DISC1: variants seen among roughly 807,000 people sequenced by gnomAD.
DISC1 encodes DISC1 scaffold protein.
In DISC1, 57 loss-of-function variants were observed where a neutral mutation model predicts 84.5. The ratio of observed to expected loss-of-function variants is 0.67; its 90% CI spans 0.55 to 0.84. The LOEUF is 0.84. Among genes scored for constraint, DISC1 ranks in the 40% least tolerant of loss-of-function variants. The pLI, the probability that DISC1 is intolerant of heterozygous loss-of-function variation, is 0.00. For missense variants in DISC1, 1,000 were observed against 1,057.8 expected (o/e 0.95, Z 0.76); for synonymous variants, 411 against 415.2 (o/e 0.99, Z 0.12).
chr1:231,641,196 C>T (rs1353384788), intron 1 of DISC1, among the ~76,000 whole-genome samples: 1 of 152,230 alleles, frequency 6.6e-6, no homozygotes, highest in Non-Finnish European at 1.5e-5. Context: ...TTGGTGGGTT[C>T]TTGGTCTCAC....
chr1:231,969,598 C>CTTTT (rs59866510), intron 10 of DISC1, among the ~76,000 whole-genome samples: 2 of 126,334 alleles, frequency 1.6e-5, no homozygotes, highest in African/African-American at 6.3e-5. Context: ...TTCTTTCTTT[C>CTTTT]TTTTTTTTTT....
intron 1 of DISC1, among the ~76,000 whole-genome samples, chr1:231,690,254 C>T (rs1470558280): frequency 2.0e-5 from 3 of 152,154 alleles, no homozygotes; most frequent in Non-Finnish European, 4.4e-5. Flanking sequence ...GGAAGTAAGG[C>T]ATCAGCGCTT....
intron 9 of DISC1, among the ~76,000 whole-genome samples, chr1:231,950,204 C>CTGTGTGTG (rs59801477): frequency 0.074 from 10,345 of 139,406 alleles, 436 homozygotes; most frequent in Non-Finnish European, 0.086. Context: ...AAAAAAAATT[C>CTGTGTGTG]TGTGTGTGTG....
intron 9 of DISC1, among the ~76,000 whole-genome samples, chr1:231,930,948 A>C (rs891052674): frequency 6.6e-6 from 1 of 152,190 alleles, no homozygotes; most frequent in Non-Finnish European, 1.5e-5. Context: ...AGCTCCTTAC[A>C]TGCACTTAAG....
At chr1:231,780,241 AAAAAAAAAAAG>A (rs2077309079) in intron 6 of DISC1, among the ~76,000 whole-genome samples, 1 of 151,058 alleles carries the variant, frequency 6.6e-6, no homozygotes, top group South Asian at 2.1e-4. Flanking sequence ...GTATAATAAA[AAAAAAAAAAAG>A]AAAAGGAAAG....
intron 12 of DISC1, among the ~76,000 whole-genome samples, chr1:232,030,850 A>G (rs150910821): frequency 2.5e-4 from 38 of 152,264 alleles, no homozygotes; most frequent in African/African-American, 9.1e-4. Context: ...GCGGTGGCTT[A>G]CATCTTAATC....
chr1:231,777,983 C>T (rs181234770), intron 6 of DISC1, among the ~76,000 whole-genome samples: 123 of 152,246 alleles, frequency 8.1e-4, no homozygotes, highest in African/African-American at 2.8e-3. Context: ...CTGGGAGAGA[C>T]CAGGCCTTGG....
chr1:231,627,742 C>T (rs1431933205), intron 1 of DISC1, among the ~76,000 whole-genome samples: 1 of 152,196 alleles, frequency 6.6e-6, no homozygotes, highest in East Asian at 1.9e-4. Context: ...CTGGGTCAGT[C>T]GCTTAACCTC....
At chr1:231,983,524 G>GCC (rs1201473793) in intron 10 of DISC1, among the ~76,000 whole-genome samples, 8 of 24,504 alleles carry the variant, frequency 3.3e-4, no homozygotes, top group African/African-American at 1.5e-3. Flanking sequence ...ACTGATATGG[G>GCC]CCCGGGGGTG....
intron 3 of DISC1, among the ~76,000 whole-genome samples, chr1:231,725,162 G>A (rs74146717): frequency 7.2e-5 from 11 of 152,226 alleles, no homozygotes; most frequent in Admixed American, 5.9e-4. Context: ...ATCAGGCTTC[G>A]TGGGGATGCT....
chr1:231,961,221 C>T lies in DISC1; in HGVS notation c.2042+2333C>T, dbSNP rs116630212. ...GAAACTGTGACCTACCACAAATAGA[C>T]TGAGTGGGAAAACCCCACAGGGCCT... On this transcript the variant is annotated intron_variant, in intron 10 of 12. Coordinates refer to ENST00000439617, the MANE Select transcript of DISC1 (RefSeq NM_018662.3). 3.3e-3 allele frequency among the ~76,000 whole-genome samples: 510 copies of T among 152,296 alleles called. 5 individuals are homozygous for T. The highest frequency in any genetic ancestry group is 0.012 in the African/African-American group (503 of 41,564).
intron 4 of DISC1, among the ~76,000 whole-genome samples, chr1:231,761,482 C>T (rs2075658710): frequency 6.6e-6 from 1 of 152,122 alleles, no homozygotes; most frequent in Admixed American, 6.5e-5. Flanking sequence ...TCTGTGGATC[C>T]CTTTCTCTAC....
chr1:232,001,872 A>T (rs1666735248), intron 10 of DISC1, among the ~76,000 whole-genome samples: 2 of 152,234 alleles, frequency 1.3e-5, no homozygotes, highest in South Asian at 4.1e-4. Flanking sequence ...AAGTAAAAGG[A>T]AACATTGATA....
chr1:231,833,122 T>G (rs561778863), intron 9 of DISC1, among the ~76,000 whole-genome samples: 72 of 149,208 alleles, frequency 4.8e-4, no homozygotes, highest in Middle Eastern at 3.4e-3. Flanking sequence ...GCAATGAGAT[T>G]CAGCTGTAGT....
intron 3 of DISC1, among the ~76,000 whole-genome samples, chr1:231,718,436 C>G (rs985544186): frequency 3.3e-5 from 4 of 119,726 alleles, no homozygotes; most frequent in African/African-American, 1.4e-4. Context: ...CTTTCTCTCT[C>G]TTTTTTTTTT....
Position 231,973,954 on chromosome 1 carries a change from A to G in DISC1, c.2042+15066A>G, listed in dbSNP as rs1662418699. Among the ~76,000 whole-genome samples the G allele has an allele frequency of 2.0e-5, 3 of 152,110 alleles. No homozygotes were observed. The South Asian group carries it at 6.2e-4, about 32-fold the overall frequency. ...CACACCCACTCCAAACTAATGTGTC[A>G]TCTTTCTCTGAAGAGCTGTGGCTGT... is the stretch of plus-strand genomic sequence containing the variant. On this transcript the variant is annotated intron_variant, in intron 10 of 12. Coordinates refer to ENST00000439617, the MANE Select transcript of DISC1 (RefSeq NM_018662.3).
intron 1 of DISC1, among the ~76,000 whole-genome samples, chr1:231,685,594 A>C (rs2064171218): frequency 6.6e-6 from 1 of 152,112 alleles, no homozygotes; most frequent in South Asian, 2.1e-4. Context: ...CTGGGACTGT[A>C]GGCGCCTGCC....
At chr1:231,676,516 T>C in intron 1 of DISC1, among the ~76,000 whole-genome samples, 1 of 152,368 alleles carries the variant, frequency 6.6e-6, no homozygotes, top group East Asian at 1.9e-4. Context: ...TTACCATGCC[T>C]GACCCACAGT....
At chr1:231,664,579 T>C (rs751474614) in intron 1 of DISC1, among the ~76,000 whole-genome samples, 8 of 152,114 alleles carry the variant, frequency 5.3e-5, no homozygotes, top group Non-Finnish European at 1.0e-4. Context: ...AGAGAGAGAT[T>C]TGAAGATGCT....
Sources: gnomAD v4.1 joint callset for allele counts (sites outside exome capture counted in the v4.1 genomes callset) on GRCh38, gnomAD v4.1.1 for gene constraint, MANE v1.5 for transcripts, NCBI Gene and HGNC (gene_info 2026-07-23, HGNC 2026-07-21) for gene names.